The following CLSTN2 variants were observed in gnomAD, a reference collection of about 807,000 sequenced individuals.
The protein encoded by CLSTN2 is calsyntenin-2.
In CLSTN2, 48 loss-of-function variants were observed where a neutral mutation model predicts 101.2. The ratio of observed to expected loss-of-function variants is 0.47; its 90% CI spans 0.38 to 0.60. The LOEUF (loss-of-function observed/expected upper bound fraction) is 0.60, where lower values mean the gene tolerates loss of function less well. Ranked by LOEUF, CLSTN2 falls within the 20% of genes least tolerant of loss-of-function variation. The probability of loss-of-function intolerance (pLI) is 0.00; values close to 1 mark genes in which losing one functional copy is unlikely to be tolerated. For missense variants in CLSTN2, 1,160 were observed against 1,238.2 expected, an observed-to-expected ratio of 0.94 and a Z score of 0.95; for synonymous variants, 481 against 463.6, an observed-to-expected ratio of 1.04 and a Z score of -0.48.
At chr3:140,209,382 T>C (rs187013631) in intron 2 of CLSTN2, among the ~76,000 whole-genome samples, 2 of 152,302 alleles carry the variant, frequency 1.3e-5, no homozygotes, top group Admixed American at 1.3e-4. Flanking sequence ...CTTTCAGCTG[T>C]GTAGCTTTGG....
intron 1 of CLSTN2, among the ~76,000 whole-genome samples, chr3:140,086,719 T>G (rs891837276): frequency 2.6e-5 from 4 of 152,248 alleles, no homozygotes; most frequent in African/African-American, 9.6e-5. Context: ...GATATCACTG[T>G]GTATCTCAGA....
chr3:140,446,883 G>T (rs1933093763), intron 5 of CLSTN2, among the ~76,000 whole-genome samples: 1 of 152,092 alleles, frequency 6.6e-6, no homozygotes, highest in African/African-American at 2.4e-5. Context: ...AGCAGCACAG[G>T]CTTATTCATC....
chr3:140,264,814 C>A (rs2086682097), intron 2 of CLSTN2, among the ~76,000 whole-genome samples: 1 of 152,214 alleles, frequency 6.6e-6, no homozygotes, highest in East Asian at 1.9e-4. Flanking sequence ...TGAACAATGA[C>A]TATTAATTGA....
intron 1 of CLSTN2, among the ~76,000 whole-genome samples, chr3:140,043,945 A>C (rs1348510164): frequency 6.6e-6 from 1 of 152,138 alleles, no homozygotes; most frequent in Non-Finnish European, 1.5e-5. Flanking sequence ...GTGTAGTTTG[A>C]AGTCAGGTAG....
At chr3:140,043,770 A>G (rs1302625690) in intron 1 of CLSTN2, among the ~76,000 whole-genome samples, 1 of 152,220 alleles carries the variant, frequency 6.6e-6, no homozygotes, top group Non-Finnish European at 1.5e-5. Flanking sequence ...AGCACCATTT[A>G]TTAAATAGGG....
At chr3:140,125,272 G>C (rs1174072453) in intron 1 of CLSTN2, among the ~76,000 whole-genome samples, 1 of 152,080 alleles carries the variant, frequency 6.6e-6, no homozygotes, top group African/African-American at 2.4e-5. Context: ...GGGAGTGTCA[G>C]AGTCCATTTT....
chr3:140,481,350 C>A (rs1347338036), intron 8 of CLSTN2, among the ~76,000 whole-genome samples: 1 of 152,168 alleles, frequency 6.6e-6, no homozygotes, highest in African/African-American at 2.4e-5. Context: ...GTTACTGTAG[C>A]CTTGTAGTAT....
chr3:140,503,430 G>A (rs984422960), intron 8 of CLSTN2, among the ~76,000 whole-genome samples: 2 of 152,190 alleles, frequency 1.3e-5, no homozygotes, highest in Admixed American at 1.3e-4. Flanking sequence ...ATCCTGTACA[G>A]GTCCATAGCC....
intron 2 of CLSTN2, among the ~76,000 whole-genome samples, chr3:140,400,733 T>G (rs1012416682): frequency 3.3e-5 from 5 of 151,668 alleles, no homozygotes; most frequent in African/African-American, 1.2e-4. Flanking sequence ...CAGAAGAGAT[T>G]AAAACCAAGC....
chr3:140,154,004 A>C (rs1396036946), intron 1 of CLSTN2, among the ~76,000 whole-genome samples: 3 of 152,198 alleles, frequency 2.0e-5, no homozygotes, highest in Non-Finnish European at 4.4e-5. Context: ...GCTCCAGAGA[A>C]ATAGTGGTGC....
chr3:140,253,992 G>A (rs2086584612), intron 2 of CLSTN2, among the ~76,000 whole-genome samples: 1 of 151,986 alleles, frequency 6.6e-6, no homozygotes. Flanking sequence ...GTCATGTTTT[G>A]CCTCCTTTGG....
intron 2 of CLSTN2, among the ~76,000 whole-genome samples, chr3:140,211,472 T>C (rs1373488133): frequency 2.0e-5 from 3 of 148,964 alleles, no homozygotes; most frequent in African/African-American, 7.4e-5. Context: ...ACATTCTGTC[T>C]ACTCCACACT....
At chr3:140,403,581 T>C in intron 2 of CLSTN2, 48 bp from the exon 3 acceptor site, 1 of 1,472,828 alleles carries the variant, frequency 6.8e-7, no homozygotes. Flanking sequence ...CTGTCTTCAG[T>C]CTGGCAATTC....
At chr3:140,171,810 A>G (rs553912856) in intron 1 of CLSTN2, among the ~76,000 whole-genome samples, 4 of 90,488 alleles carry the variant, frequency 4.4e-5, no homozygotes, top group African/African-American at 2.9e-4. Flanking sequence ...TATGTATTAT[A>G]TATTATATAT....
chr3:140,295,207 A>T (rs1482208101), intron 2 of CLSTN2, among the ~76,000 whole-genome samples: 1 of 152,170 alleles, frequency 6.6e-6, no homozygotes, highest in East Asian at 1.9e-4. Flanking sequence ...TCACATGACC[A>T]TATTTTCATA....
At chr3:140,452,271 G>A (rs963247476) in intron 6 of CLSTN2, among the ~76,000 whole-genome samples, 2 of 151,946 alleles carry the variant, frequency 1.3e-5, no homozygotes, top group Non-Finnish European at 2.9e-5. Flanking sequence ...CTGATGTTCT[G>A]CTTCTGCTTG....
At chr3:140,426,477 A>ATAG (rs1394502948) in intron 5 of CLSTN2, among the ~76,000 whole-genome samples, 1 of 152,218 alleles carries the variant, frequency 6.6e-6, no homozygotes, top group Non-Finnish European at 1.5e-5. Context: ...TTATGGCCAC[A>ATAG]TAGTATTCCG....
intron 1 of CLSTN2, among the ~76,000 whole-genome samples, chr3:139,938,910 C>A (rs959501077): frequency 2.0e-5 from 3 of 152,050 alleles, no homozygotes; most frequent in Non-Finnish European, 4.4e-5. Context: ...AGCAGAGGAC[C>A]ACCCTCCACC....
At chr3:140,411,844 TG>T (rs2088367651) in intron 4 of CLSTN2, among the ~76,000 whole-genome samples, 2 of 152,148 alleles carry the variant, frequency 1.3e-5, no homozygotes, top group African/African-American at 4.8e-5. Context: ...ACAACCATAG[TG>T]TGAAAGTTTA....
Sources: allele counts gnomAD v4.1 joint callset (sites outside exome capture counted in the v4.1 genomes callset), GRCh38; gene constraint gnomAD v4.1.1; transcripts MANE v1.5; gene names NCBI Gene and HGNC (gene_info 2026-07-23, HGNC 2026-07-21).